The following DRP2 variants were observed in gnomAD, a reference collection of about 807,000 sequenced individuals.
The protein encoded by DRP2 is dystrophin-related protein 2.
DRP2 carries 29 observed loss-of-function variants against 78.2 expected under a neutral mutation model. The observed-to-expected ratio is 0.37, with a 90% CI of 0.28 to 0.51. The LOEUF is 0.51. Ranked by LOEUF, DRP2 falls within the 20% of genes least tolerant of loss-of-function variation. The pLI, the probability that DRP2 is intolerant of heterozygous loss-of-function variation, is 0.94. For synonymous variants in DRP2, 290 were observed against 281.9 expected, an observed-to-expected ratio of 1.03 and a Z score of -0.29; for missense variants, 686 against 770.6, an observed-to-expected ratio of 0.89 and a Z score of 1.30.
intron 2 of DRP2, among the ~76,000 whole-genome samples, chrX:101,226,160 G>A (rs1376502026): frequency 1.8e-5 from 2 of 111,573 alleles, no homozygotes; most frequent in Admixed American, 1.9e-4. Context: ...TTTTGTATTG[G>A]CATATAAAGA....
intron 17 of DRP2, among the ~76,000 whole-genome samples, chrX:101,253,540 C>CTTTTTTTTTT (rs138161868): frequency 3.7e-5 from 2 of 53,561 alleles, no homozygotes; most frequent in Non-Finnish European, 6.1e-5. Flanking sequence ...TTACTTTCAC[C>CTTTTTTTTTT]TTTTTTTTTT....
intron 12 of DRP2, among the ~76,000 whole-genome samples, chrX:101,247,491 G>A (rs1922972773): frequency 8.9e-6 from 1 of 112,061 alleles, no homozygotes; most frequent in Admixed American, 9.5e-5. Flanking sequence ...GTTATTGGAT[G>A]TAGCAGCAAA....
intron 3 of DRP2, among the ~76,000 whole-genome samples, chrX:101,235,395 A>G (rs760264257): frequency 8.9e-6 from 1 of 112,337 alleles, no homozygotes; most frequent in Admixed American, 9.4e-5. Flanking sequence ...TTTATGGAGA[A>G]ACTCCTCAGC....
intron 22 of DRP2, 121 bp downstream of exon 22, chrX:101,258,667 A>C: frequency 1.7e-6 from 1 of 598,351 alleles, no homozygotes; most frequent in Non-Finnish European, 2.5e-6. Context: ...CTGTCAGGTA[A>C]CTTCCTGAAG....
At chrX:101,251,421 A>G (rs1923137513) in intron 16 of DRP2, 1 of 137,801 alleles carries the variant, frequency 7.3e-6, no homozygotes, top group Non-Finnish European at 1.4e-5. Context: ...GCTGATCTGT[A>G]GCATTTGCTA....
rs919689492 is a variant in DRP2 at position 101,245,086 on chromosome X, C to T, written c.1115+9C>T. 8.3e-7 allele frequency: 1 copy of T among 1,204,601 alleles called. No individual in the cohort carries two copies. Among genetic ancestry groups the T allele is most frequent in the Non-Finnish European group, 1.1e-6 (1 of 891,757 alleles). On this transcript the variant is annotated intron_variant, in intron 10 of 23. Transcript: ENST00000395209. The stretch of plus-strand genomic sequence containing the variant: ...GTTCCCTACTACATCAAGTGAGTGA[C>T]CATCTGAATCAGAAGCGGGTCAGTC...
intron 3 of DRP2, 46 bp downstream of exon 3, chrX:101,231,810 C>A: frequency 2.7e-6 from 3 of 1,115,215 alleles, no homozygotes; most frequent in Non-Finnish European, 3.7e-6. Context: ...AAAGTGGACA[C>A]AGGATCTGTG....
At chrX:101,254,594 C>A (rs748190531) in intron 18 of DRP2, 33 bp downstream of exon 18, 8 of 1,208,446 alleles carry the variant, frequency 6.6e-6, no homozygotes, top group Non-Finnish European at 8.9e-6. Context: ...GGGCTGTGGG[C>A]AGCCTCACTG....
rs1247226367 is a variant in DRP2, at chrX:101,231,705, C to A, written c.58C>A (p.Gln20Lys). 8.3e-7 allele frequency: 1 copy of A among 1,209,422 alleles called. No individual in the cohort carries two copies. The highest frequency in any genetic ancestry group is 1.8e-5 in the African/African-American group (1 of 56,945). The change falls in exon 3 of 24, where the codon CAG becomes AAG. Residue 20 changes from glutamine to lysine, a missense_variant. By Grantham distance (53) the Gln-to-Lys change is moderately conservative. This residue lies in a region of DRP2 where 263 missense variants were observed against 239.1 expected (regional missense o/e 1.10). Transcript: ENST00000395209. ...CACCCTCCCACGATGTCATGACTGG[C>A]AGGCAGCTGACCAGTTCCATCATAG... ...PYTLPRCHDWQAADQFHHSSS... is the reference protein window; with the variant it reads ...PYTLPRCHDWKAADQFHHSSS...
At chrX:101,241,980 GAC>G (rs1491588039) in intron 7 of DRP2, 44 bp downstream of exon 7, 1 of 1,129,471 alleles carries the variant, frequency 8.9e-7, no homozygotes, top group Non-Finnish European at 1.2e-6. Context: ...CCTGAGACCT[GAC>G]ACTCTCCCCA....
intron 11 of DRP2, among the ~76,000 whole-genome samples, chrX:101,246,629 G>A (rs953878883): frequency 2.7e-5 from 3 of 112,060 alleles, no homozygotes; most frequent in African/African-American, 9.7e-5. Flanking sequence ...CATTTAAAAA[G>A]TTGAAATAGA....
chrX:101,245,224 A>G, intron 10 of DRP2, 147 bp downstream of exon 10: 1 of 821,985 alleles, frequency 1.2e-6, no homozygotes, highest in Admixed American at 2.7e-5. Context: ...AGATCTCAAG[A>G]TTCTACTTGG....
chrX:101,247,048 G>C, intron 11 of DRP2, 42 bp from the exon 12 acceptor site: 1 of 1,174,252 alleles, frequency 8.5e-7, no homozygotes, highest in Non-Finnish European at 1.2e-6. Context: ...GCTTTAACTT[G>C]AATTTTTCTG....
intron 19 of DRP2, 33 bp downstream of exon 19, chrX:101,254,957 C>T: frequency 8.3e-7 from 1 of 1,206,510 alleles, no homozygotes; most frequent in East Asian, 3.0e-5. Flanking sequence ...TGGGTAGGAG[C>T]TGTTGTAGGA....
chrX:101,247,251 T>C, intron 12 of DRP2, 87 bp downstream of exon 12: 1 of 878,166 alleles, frequency 1.1e-6, no homozygotes, highest in Admixed American at 2.8e-5. Context: ...TCCTCCCACC[T>C]TGGCAAAGGT....
intron 21 of DRP2, among the ~76,000 whole-genome samples, chrX:101,257,837 C>G (rs1923404730): frequency 9.0e-6 from 1 of 111,097 alleles, no homozygotes; most frequent in Non-Finnish European, 1.9e-5. Flanking sequence ...TTTGATGACC[C>G]AGCATGGGTG....
Position 101,247,176 on chromosome X carries a change from G to C in DRP2, c.1252+12G>C. ...GAAAGCCCTGCGCTGTACGTCTCCT[G>C]TTGTACTTCCCTATGACGTTCACCA... On this transcript the variant is annotated intron_variant, in intron 12 of 23. Transcript: ENST00000395209. The C allele has an allele frequency of 5.0e-6, 6 of 1,195,203 alleles. No homozygotes were observed. Among genetic ancestry groups the C allele is most frequent in the Non-Finnish European group, 6.8e-6 (6 of 883,812 alleles).
chrX:101,229,233 G>A (rs1185535880), intron 2 of DRP2, among the ~76,000 whole-genome samples: 1 of 112,146 alleles, frequency 8.9e-6, no homozygotes, highest in Admixed American at 9.5e-5. Flanking sequence ...CAAGCCTCTT[G>A]TAGCCTTTAT....
chrX:101,223,597 A>T (rs13441196), intron 1 of DRP2, among the ~76,000 whole-genome samples: 14,295 of 111,886 alleles, frequency 0.13, 693 homozygotes, highest in Middle Eastern at 0.18. Flanking sequence ...ATATTGTCAA[A>T]TCACTGTGCA....
Sources: gnomAD v4.1 joint callset for allele counts (sites outside exome capture counted in the v4.1 genomes callset) on GRCh38, gnomAD v4.1.1 for gene constraint, gnomAD v4.1.1 regional missense constraint, MANE v1.5 for transcripts, NCBI Gene and HGNC (gene_info 2026-07-23, HGNC 2026-07-21) for gene names.